SCARB1: variants seen among roughly 807,000 people sequenced by gnomAD.
SCARB1 encodes the protein CD36 and LIMPII analogous 1.
In SCARB1, 30 loss-of-function variants were observed where a neutral mutation model predicts 57.2. That is an observed-to-expected ratio of 0.52 (90% confidence interval 0.39 to 0.71). The LOEUF is 0.71. SCARB1 is among the 30% of genes least tolerant of loss of function. The probability of loss-of-function intolerance (pLI) is 0.00; values close to 1 mark genes in which losing one functional copy is unlikely to be tolerated. For synonymous variants in SCARB1, 249 were observed against 268.3 expected (o/e 0.93, Z 0.70); for missense variants, 543 against 671.2 (o/e 0.81, Z 2.11).
chr12:124,778,045 C>A lies in SCARB1; in HGVS notation c.*542G>T. ...TTGTTTTCCGAGGCCTGTGTAAAGG[C>A]GCTTTGCCTGGCCTGGCAGGTAGAC... On this transcript the variant is annotated 3_prime_UTR_variant, in exon 13 of 13. Transcript: ENST00000261693. The A allele has an allele frequency of 6.1e-6, 1 of 165,238 alleles. No homozygotes were observed. Among genetic ancestry groups the A allele is most frequent in the Non-Finnish European group, 1.3e-5 (1 of 77,082 alleles). 10.2% of individuals were successfully genotyped at this position (165,238 alleles called of 1,614,324 possible).
At chr12:124,778,654 C>T (rs2135509496) in intron 12 of SCARB1, 68 bp from the exon 13 acceptor site, 1 of 1,342,844 alleles carries the variant, frequency 7.4e-7, no homozygotes, top group African/African-American at 1.5e-5. Context: ...CATCCCCGCC[C>T]ACCACAGCCC....
At position 124,807,169 on chromosome 12, in the gene SCARB1, C is replaced by G. The variant is rs1950351661; in HGVS notation, c.1009+592G>C. ...TGAGCTGAAATGGCGCCACTGCACT[C>G]CAACCTGGGTAACAGAGTGAGAGTC... On this transcript the variant is annotated intron_variant, in intron 7 of 12. Transcript: ENST00000261693. The surrounding 1 kb of genome is among the most constrained non-coding windows in gnomAD (Gnocchi z 5.3). 6.6e-6 allele frequency among the ~76,000 whole-genome samples: 1 copy of G among 152,088 alleles called. No homozygotes were observed. The highest frequency in any genetic ancestry group is 1.5e-5 in the Non-Finnish European group (1 of 68,030).
intron 1 of SCARB1, among the ~76,000 whole-genome samples, chr12:124,856,701 T>A (rs950753022): frequency 2.0e-5 from 3 of 151,714 alleles, no homozygotes; most frequent in African/African-American, 7.3e-5. Context: ...AACAAGGGGG[T>A]CCTACAGGAA....
At position 124,817,134 on chromosome 12, in the gene SCARB1, A is replaced by G. The variant is rs115840409; in HGVS notation, c.284+416T>C. 0.017 allele frequency among the ~76,000 whole-genome samples: 665 copies of G among 39,188 alleles called. 11 individuals are homozygous for G. The highest frequency in any genetic ancestry group is 0.036 in the African/African-American group (628 of 17,404). The allele number at this position is 39,188 out of a possible 152,430, so 25.7% of individuals were successfully genotyped here. A position where few individuals can be genotyped will look rare whatever the true frequency, so the allele number is the denominator to read the frequency against. ...TACGTGTGTATGTATGTATGTGTGT[A>G]TGTGTATGTGTATGTGTGTGTATGT... On this transcript the variant is annotated intron_variant, in intron 2 of 12. Coordinates refer to ENST00000261693, the MANE Select transcript of SCARB1 (RefSeq NM_005505.5). The surrounding 1 kb of genome is among the most constrained non-coding windows in gnomAD (Gnocchi z 4.8).
chr12:124,811,864 C>T lies in SCARB1; in HGVS notation c.726+6G>A. On this transcript the variant is annotated splice_donor_region_variant and intron_variant, in intron 5 of 12. Coordinates refer to ENST00000261693, the MANE Select transcript of SCARB1 (RefSeq NM_005505.5). ...GCGACAGGGGCCCTCGCCTCTCGCC[C>T]CTCACCTTGCTCAGCCCGTTCCACT... is the stretch of plus-strand genomic sequence containing the variant. 2 of 1,608,058 alleles carry T rather than the reference C, an allele frequency of 1.2e-6. No individual in the cohort carries two copies. The highest frequency in any genetic ancestry group is 1.7e-6 in the Non-Finnish European group (2 of 1,176,752).
intron 1 of SCARB1, among the ~76,000 whole-genome samples, chr12:124,830,236 C>A (rs1023947684): frequency 2.0e-5 from 3 of 152,222 alleles, no homozygotes; most frequent in African/African-American, 4.8e-5. Flanking sequence ...AGAGTGCTCA[C>A]ACATTGCTGG....
intron 1 of SCARB1, among the ~76,000 whole-genome samples, chr12:124,833,743 C>A (rs959865203): frequency 6.6e-6 from 1 of 152,188 alleles, no homozygotes. Context: ...AGGCAGGCTT[C>A]GCTAGAAACA....
chr12:124,823,053 T>C (rs1276668873), intron 1 of SCARB1, among the ~76,000 whole-genome samples: 2 of 152,240 alleles, frequency 1.3e-5, no homozygotes, highest in Non-Finnish European at 1.5e-5. Context: ...CATACACATA[T>C]AATCCCATTT....
chr12:124,807,960 C>A lies in SCARB1; in HGVS notation c.843-33G>T. 6.2e-7 allele frequency: 1 copy of A among 1,610,864 alleles called. No individual in the cohort carries two copies. The highest frequency in any genetic ancestry group is 8.5e-7 in the Non-Finnish European group (1 of 1,177,600). ...GGACAGACAGGATGAGAGGGGACAC[C>A]CAGACCCGGCGGCCAGAGCCAGGCC... On this transcript the variant is annotated intron_variant, in intron 6 of 12. Transcript: ENST00000261693. This position sits in a 1 kb window ranked among gnomAD's most constrained non-coding sequence, Gnocchi z 5.3.
At chr12:124,801,963 C>A (rs1054584503) in intron 7 of SCARB1, among the ~76,000 whole-genome samples, 1 of 151,904 alleles carries the variant, frequency 6.6e-6, no homozygotes, top group South Asian at 2.1e-4. Context: ...CCAGCCTGAC[C>A]GATATGGAGA....
At position 124,796,539 on chromosome 12, in the gene SCARB1, T is replaced by C. The variant is rs900728229; in HGVS notation, c.1129-1271A>G. Among the ~76,000 whole-genome samples, 6 of 152,196 alleles carry C rather than the reference T, an allele frequency of 3.9e-5. No individual in the cohort carries two copies. The highest frequency in any genetic ancestry group is 1.4e-4 in the African/African-American group (6 of 41,440). On this transcript the variant is annotated intron_variant, in intron 8 of 12. Transcript: ENST00000261693. This position sits in a 1 kb window ranked among gnomAD's most constrained non-coding sequence, Gnocchi z 4.0. ...AGGTCAGAGAACTGCAGTTGGTTCT[T>C]CTTAACTGAGAGTCGCGTCCTCATC...
intron 1 of SCARB1, among the ~76,000 whole-genome samples, chr12:124,848,972 G>A (rs759536050): frequency 1.1e-4 from 17 of 152,340 alleles, no homozygotes; most frequent in Non-Finnish European, 2.2e-4. Flanking sequence ...GACACTTGCC[G>A]AGCTGCTATT....
At chr12:124,783,964 G>C (rs1167254413) in intron 11 of SCARB1, 1 of 152,178 alleles carries the variant, frequency 6.6e-6, no homozygotes, top group Non-Finnish European at 1.5e-5. Flanking sequence ...TGATTTGGGG[G>C]CTGCGGCAGG....
At chr12:124,818,246 G>T (rs887105000) in intron 1 of SCARB1, among the ~76,000 whole-genome samples, 1 of 152,178 alleles carries the variant, frequency 6.6e-6, no homozygotes, top group South Asian at 2.1e-4. Flanking sequence ...CAGGTAAAAC[G>T]CATGCCACGT....
At chr12:124,849,989 G>C (rs1273290710) in intron 1 of SCARB1, among the ~76,000 whole-genome samples, 1 of 126,162 alleles carries the variant, frequency 7.9e-6, no homozygotes, top group Non-Finnish European at 1.8e-5. Context: ...GATTGAGCCT[G>C]AGTGGTTGAA....
Position 124,782,647 on chromosome 12 carries a change from G to A in SCARB1, c.*36C>T, listed in dbSNP as rs371186998. 6 of 1,607,790 alleles carry A rather than the reference G, an allele frequency of 3.7e-6. No individual in the cohort carries two copies. In the African/African-American group the frequency reaches 6.7e-5, roughly 18 times the overall value. On this transcript the variant is annotated intron_variant, in intron 12 of 12. Coordinates refer to ENST00000261693, the MANE Select transcript of SCARB1 (RefSeq NM_005505.5). ...GCCAGCATTCTACTTGATATGGGAG[G>A]GGGCGGGGAGGCGCACGGCATTACC... is the stretch of plus-strand genomic sequence containing the variant.
chr12:124,850,376 AAAAT>A (rs1173070565), intron 1 of SCARB1, among the ~76,000 whole-genome samples: 3 of 151,862 alleles, frequency 2.0e-5, no homozygotes, highest in Admixed American at 6.6e-5. Flanking sequence ...ATGTCTCAAA[AAAAT>A]AAATAAATAG....
Position 124,800,127 on chromosome 12 carries a change from G to A in SCARB1, c.1125C>T (p.His375=), listed in dbSNP as rs748381459. ...QEAHSLFLDI[H]PVTGIPMNCS... is the part of the protein sequence containing the mutation. ...ACAGAGGATGGCAGGGGCTCACCGG[G>A]TGGATGTCCAGGAACAAGGAGTGTG... The change falls in exon 8 of 13, where the codon CAC becomes CAT. Residue 375 remains histidine (H), a synonymous_variant. Transcript: ENST00000261693. This position sits in a 1 kb window ranked among gnomAD's most constrained non-coding sequence, Gnocchi z 4.8. 6.2e-7 allele frequency: 1 copy of A among 1,611,140 alleles called. No individual in the cohort carries two copies.
In SCARB1 at chr12:124,800,163, A is replaced by G. The variant is rs1950080927; in HGVS notation, c.1089T>C (p.Pro363=). The G allele has an allele frequency of 6.2e-7, 1 of 1,613,936 alleles. No homozygotes were observed. The highest frequency in any genetic ancestry group is 2.2e-5 in the East Asian group (1 of 44,854). The change falls in exon 8 of 13, where the codon CCT becomes CCC. Residue 363 remains proline, a synonymous_variant. Transcript: ENST00000261693. The surrounding 1 kb of genome is among the most constrained non-coding windows in gnomAD (Gnocchi z 4.8). ...VLAEAVTGLH[P]NQEAHSLFLD... is the part of the protein sequence containing the mutation. ...GGAACAAGGAGTGTGCCTCCTGGTTAGGGTGCAGGCCAGTCACCGCTTCTG... is the reference window on the plus strand; with the variant it reads ...GGAACAAGGAGTGTGCCTCCTGGTTGGGGTGCAGGCCAGTCACCGCTTCTG...
Sources: allele counts gnomAD v4.1 joint callset (sites outside exome capture counted in the v4.1 genomes callset), GRCh38; gene constraint gnomAD v4.1.1; non-coding constraint Gnocchi (gnomAD v3.1); transcripts MANE v1.5; gene names NCBI Gene and HGNC (gene_info 2026-07-23, HGNC 2026-07-21).